Variants in TMEM50A observed in about 807,000 individuals in gnomAD.
TMEM50A encodes transmembrane protein 50A, also known as cervical cancer oncogene 9.
Under a neutral mutation model 23.9 loss-of-function variants are expected in TMEM50A, and 8 were observed. That is an observed-to-expected ratio of 0.33 (90% CI 0.20 to 0.60). TMEM50A has a LOEUF of 0.60. TMEM50A is among the 20% of genes least tolerant of loss of function. The pLI, the probability that TMEM50A is intolerant of heterozygous loss-of-function variation, is 0.81. For synonymous variants in TMEM50A, 55 were observed against 60.4 expected, an observed-to-expected ratio of 0.91 and a Z score of 0.41; for missense variants, 178 against 192.7, an observed-to-expected ratio of 0.92 and a Z score of 0.45.
chr1:25,362,160 T>C lies in TMEM50A; in HGVS notation c.*1455T>C. The C allele has an allele frequency of 2.5e-6, 1 of 397,668 alleles. No homozygotes were observed. Among genetic ancestry groups the C allele is most frequent in the South Asian group, 2.5e-5 (1 of 40,306 alleles). 24.6% of individuals were successfully genotyped at this position (397,668 alleles called of 1,614,324 possible). A position where few individuals can be genotyped will look rare whatever the true frequency, so the allele number is the denominator to read the frequency against. The stretch of plus-strand genomic sequence containing the variant: ...GTATCAGTGATTTGTAATTTTCCTG[T>C]TTTGTATTATCTGCTTTGCTGATGT... On this transcript the variant is annotated 3_prime_UTR_variant, in exon 7 of 7. Coordinates refer to ENST00000374358, the MANE Select transcript of TMEM50A (RefSeq NM_014313.4).
chr1:25,354,803 T>C (rs1471540664), intron 5 of TMEM50A, among the ~76,000 whole-genome samples: 1 of 152,082 alleles, frequency 6.6e-6, no homozygotes, highest in Non-Finnish European at 1.5e-5. Context: ...TTTATATGTA[T>C]ATTTGTTGCC....
intron 3 of TMEM50A, among the ~76,000 whole-genome samples, chr1:25,346,621 A>G (rs1476765716): frequency 1.3e-5 from 2 of 152,074 alleles, no homozygotes; most frequent in African/African-American, 4.8e-5. Flanking sequence ...GCTGTTCTTG[A>G]ACTCCTGGTC....
intron 3 of TMEM50A, 79 bp from the exon 4 acceptor site, chr1:25,351,547 A>G: frequency 7.9e-7 from 1 of 1,266,478 alleles, no homozygotes; most frequent in Non-Finnish European, 1.1e-6. Context: ...CTAACCTTAC[A>G]TTTGAGAAAC....
At chr1:25,340,687 C>A in intron 2 of TMEM50A, 108 bp downstream of exon 2, 1 of 720,824 alleles carries the variant, frequency 1.4e-6, no homozygotes, top group Non-Finnish European at 2.2e-6. Context: ...TATCTTTGAC[C>A]ACTTTGACCA....
chr1:25,360,061 C>T (rs181890185), intron 6 of TMEM50A, among the ~76,000 whole-genome samples: 4 of 152,076 alleles, frequency 2.6e-5, no homozygotes, highest in South Asian at 2.1e-4. Flanking sequence ...TAAAATCAGA[C>T]GTATAGGGCT....
At chr1:25,360,634 T>C (rs372099288) in intron 6 of TMEM50A, 26 bp from the exon 7 acceptor site, 2 of 1,613,256 alleles carry the variant, frequency 1.2e-6, no homozygotes, top group African/African-American at 1.3e-5. Context: ...CAGGGAGTCA[T>C]GTGATATTTC....
rs576580769 is a variant in TMEM50A, at chr1:25,340,549, T to C, written c.63T>C (p.Asn21=). The change falls in exon 2 of 7, where the codon AAT becomes AAC. Residue 21 remains asparagine, a synonymous_variant. Coordinates refer to ENST00000374358, the MANE Select transcript of TMEM50A (RefSeq NM_014313.4). ...GCATTGACTGGGGGGAAAAGCGCAA[T>C]ACTATTGCTTCCATTGCTGCTGGTG... ...SECIDWGEKR[N]TIASIAAGVL... The C allele has an allele frequency of 2.5e-6, 4 of 1,613,742 alleles. No homozygotes were observed. The Admixed American group carries it at 5.0e-5, about 20-fold the overall frequency.
At chr1:25,347,817 A>G (rs901381763) in intron 3 of TMEM50A, among the ~76,000 whole-genome samples, 1 of 152,256 alleles carries the variant, frequency 6.6e-6, no homozygotes, top group African/African-American at 2.4e-5. Context: ...AAGTTCAGCC[A>G]GTATGCAGCT....
chr1:25,338,800 G>A (rs923762504), intron 1 of TMEM50A: 2 of 152,176 alleles, frequency 1.3e-5, no homozygotes, highest in Non-Finnish European at 2.9e-5. Flanking sequence ...CCCTCAGCGA[G>A]GGGTGCCCCG....
In TMEM50A at chr1:25,360,730, A is replaced by G. The variant is rs200789909; in HGVS notation, c.*25A>G. 1.3e-4 allele frequency: 202 copies of G among 1,613,770 alleles called. No homozygotes were observed. In the African/African-American group the frequency reaches 2.2e-3, roughly 17 times the overall value. On this transcript the variant is annotated 3_prime_UTR_variant, in exon 7 of 7. Transcript: ENST00000374358. ...AACACATCTGATTTCCCACAGCACA[A>G]CAGCCCTGCATGGGTTTGTTTGTTT...
Position 25,356,778 on chromosome 1 carries a change from C to A in TMEM50A, c.368-15C>A. 6.4e-7 allele frequency: 1 copy of A among 1,565,354 alleles called. No individual in the cohort carries two copies. Among genetic ancestry groups the A allele is most frequent in the Non-Finnish European group, 8.6e-7 (1 of 1,158,496 alleles). On this transcript the variant is annotated splice_polypyrimidine_tract_variant and intron_variant, in intron 5 of 6. Coordinates refer to ENST00000374358, the MANE Select transcript of TMEM50A (RefSeq NM_014313.4). ...TGAGATCATAACCCTCTAAACACTG[C>A]AATTATTTTTACAGAAAAAGACATA...
chr1:25,357,358 A>G (rs1168049766), intron 6 of TMEM50A, among the ~76,000 whole-genome samples: 1 of 152,184 alleles, frequency 6.6e-6, no homozygotes, highest in Non-Finnish European at 1.5e-5. Flanking sequence ...AAAAACCTCA[A>G]GGCTTTTATC....
intron 2 of TMEM50A, among the ~76,000 whole-genome samples, chr1:25,340,872 GAAGTGTT>G (rs1645160050): frequency 6.6e-6 from 1 of 152,108 alleles, no homozygotes; most frequent in Non-Finnish European, 1.5e-5. Context: ...AAGGTACAAG[GAAGTGTT>G]TAAGACGCAG....
chr1:25,360,737 T>G lies in TMEM50A; in HGVS notation c.*32T>G, dbSNP rs1185375423. On this transcript the variant is annotated 3_prime_UTR_variant, in exon 7 of 7. Coordinates refer to ENST00000374358, the MANE Select transcript of TMEM50A (RefSeq NM_014313.4). ...CTGATTTCCCACAGCACAACAGCCCTGCATGGGTTTGTTTGTTTTTTTACT... is the reference window on the plus strand; with the variant it reads ...CTGATTTCCCACAGCACAACAGCCCGGCATGGGTTTGTTTGTTTTTTTACT... 6.2e-7 allele frequency: 1 copy of G among 1,612,602 alleles called. No homozygotes were observed. The highest frequency in any genetic ancestry group is 1.7e-5 in the Admixed American group (1 of 59,814).
chr1:25,341,415 C>T (rs1399308476), intron 2 of TMEM50A, among the ~76,000 whole-genome samples: 1 of 152,140 alleles, frequency 6.6e-6, no homozygotes, highest in South Asian at 2.1e-4. Flanking sequence ...CCCGCCACTG[C>T]GCCCGGCTAA....
chr1:25,358,383 G>A (rs867224745), intron 6 of TMEM50A, among the ~76,000 whole-genome samples: 1 of 152,154 alleles, frequency 6.6e-6, no homozygotes, highest in Non-Finnish European at 1.5e-5. Flanking sequence ...TTTCAAAGAA[G>A]CCCCTAATCC....
chr1:25,349,251 C>A (rs766625974), intron 3 of TMEM50A, among the ~76,000 whole-genome samples: 1 of 152,168 alleles, frequency 6.6e-6, no homozygotes, highest in East Asian at 1.9e-4. Flanking sequence ...GATTATTTAA[C>A]TAGTAACTTT....
intron 2 of TMEM50A, among the ~76,000 whole-genome samples, chr1:25,340,885 C>T (rs977037480): frequency 3.3e-5 from 5 of 152,098 alleles, no homozygotes; most frequent in Non-Finnish European, 7.4e-5. Context: ...GTGTTTAAGA[C>T]GCAGTCAGGT....
intron 3 of TMEM50A, among the ~76,000 whole-genome samples, chr1:25,349,978 T>G (rs1445249217): frequency 6.6e-6 from 1 of 152,248 alleles, no homozygotes; most frequent in Non-Finnish European, 1.5e-5. Flanking sequence ...TTGGAATGTT[T>G]CAAAGGATAC....
Sources: gnomAD v4.1 joint callset for allele counts (sites outside exome capture counted in the v4.1 genomes callset) on GRCh38, gnomAD v4.1.1 for gene constraint, MANE v1.5 for transcripts, NCBI Gene and HGNC (gene_info 2026-07-23, HGNC 2026-07-21) for gene names.